The following CASTOR2 variants were observed in gnomAD, a reference collection of about 807,000 sequenced individuals.
CASTOR2 encodes the protein GATS protein like 2.
In CASTOR2, 8 loss-of-function variants were observed where a neutral mutation model predicts 31.2. The observed-to-expected ratio is 0.26, with a 90% CI of 0.15 to 0.46. The LOEUF (loss-of-function observed/expected upper bound fraction) is 0.46, where lower values mean the gene tolerates loss of function less well. Ranked by LOEUF, CASTOR2 falls within the 20% of genes least tolerant of loss-of-function variation. The probability of loss-of-function intolerance (pLI) is 0.99; values close to 1 mark genes in which losing one functional copy is unlikely to be tolerated. For missense variants in CASTOR2, 216 were observed against 382.1 expected (o/e 0.57, Z 3.62); for synonymous variants, 162 against 158.7 (o/e 1.02, Z -0.16).
At chr7:75,018,375 A>G (rs1161331418) in intron 4 of CASTOR2, among the ~76,000 whole-genome samples, 1 of 152,192 alleles carries the variant, frequency 6.6e-6, no homozygotes, top group African/African-American at 2.4e-5. Context: ...CCCCGTCTCT[A>G]CTAAAAATAC....
In CASTOR2 at chr7:75,020,101, T is replaced by C; in HGVS notation, c.698T>C (p.Leu233Pro). ...CACATCCGCTTCTTCTCCTTCTCCC[T>C]CATCGAGGGCTACATCTCCCTGGTG... The part of the protein sequence containing the change: ...CGHIRFFSFS[L>P]IEGYISLVMD... The change falls in exon 6 of 9, where the codon CTC becomes CCC. Residue 233 changes from leucine to proline, a missense_variant. Around this residue, in one of 5 missense-constraint regions of CASTOR2, gnomAD observed 44 missense variants for 57.5 expected, o/e 0.76. Coordinates refer to ENST00000616305, the MANE Select transcript of CASTOR2 (RefSeq NM_001145064.3). 1 of 1,551,500 alleles carries C rather than the reference T, an allele frequency of 6.4e-7. No homozygotes were observed.
chr7:75,019,366 C>T (rs1804940377), intron 5 of CASTOR2, among the ~76,000 whole-genome samples: 1 of 151,882 alleles, frequency 6.6e-6, no homozygotes, highest in South Asian at 2.1e-4. Context: ...CATGGACCCT[C>T]CCCAGAGCTA....
intron 1 of CASTOR2, among the ~76,000 whole-genome samples, chr7:74,983,700 G>A (rs1803998180): frequency 6.6e-6 from 1 of 151,114 alleles, no homozygotes; most frequent in Admixed American, 6.6e-5. Context: ...ACCATGGTGT[G>A]GGGAATGTCT....
intron 2 of CASTOR2, among the ~76,000 whole-genome samples, chr7:75,015,875 G>A (rs1225494102): frequency 6.6e-5 from 10 of 152,054 alleles, no homozygotes; most frequent in Non-Finnish European, 1.3e-4. Context: ...GAGACCAGCC[G>A]GGCCAACATG....
intron 1 of CASTOR2, among the ~76,000 whole-genome samples, chr7:74,990,429 A>G (rs587716807): frequency 1.3e-5 from 2 of 151,934 alleles, no homozygotes; most frequent in African/African-American, 4.8e-5. Context: ...ACAAAAAAAC[A>G]TGTTTTGGCT....
Position 75,031,007 on chromosome 7 carries a change from C to G in CASTOR2, c.*6308C>G, listed in dbSNP as rs1805286422. 6.6e-6 allele frequency among the ~76,000 whole-genome samples: 1 copy of G among 152,220 alleles called. No homozygotes were observed. Among genetic ancestry groups the G allele is most frequent in the African/African-American group, 2.4e-5 (1 of 41,466 alleles). ...AGCAGGCCAAGTTCAGGTCCCAAGA[C>G]AGGCCAAGGCCAGTGCGGTTTCCCT... is the stretch of plus-strand genomic sequence containing the variant. On this transcript the variant is annotated 3_prime_UTR_variant, in exon 9 of 9. Transcript: ENST00000616305.
chr7:75,003,521 C>T (rs1158719605), intron 1 of CASTOR2, among the ~76,000 whole-genome samples: 4 of 151,632 alleles, frequency 2.6e-5, no homozygotes, highest in Admixed American at 6.6e-5. Context: ...GAGGCCGAGG[C>T]GGGCAGATCA....
chr7:74,984,470 AT>A (rs1804018115), intron 1 of CASTOR2, among the ~76,000 whole-genome samples: 1 of 152,122 alleles, frequency 6.6e-6, no homozygotes, highest in South Asian at 2.1e-4. Context: ...CCTGCCAACC[AT>A]GGTTGCCTGG....
intron 1 of CASTOR2, among the ~76,000 whole-genome samples, chr7:74,986,254 G>T (rs1804062494): frequency 1.3e-5 from 1 of 77,022 alleles, no homozygotes; most frequent in African/African-American, 2.9e-5. Flanking sequence ...GAACATGCCT[G>T]TGGGGGGTGG....
At chr7:74,990,188 A>C (rs1804172522) in intron 1 of CASTOR2, among the ~76,000 whole-genome samples, 1 of 151,684 alleles carries the variant, frequency 6.6e-6, no homozygotes, top group African/African-American at 2.4e-5. Flanking sequence ...GGAGATGGAG[A>C]CCATCCTGGC....
chr7:74,988,983 C>T (rs1486723216), intron 1 of CASTOR2, among the ~76,000 whole-genome samples: 21 of 123,966 alleles, frequency 1.7e-4, no homozygotes, highest in African/African-American at 5.1e-4. Context: ...TTTTTTGAGA[C>T]GGAGTCTTGC....
At chr7:75,013,759 G>A (rs1444738954) in intron 2 of CASTOR2, among the ~76,000 whole-genome samples, 39 of 151,994 alleles carry the variant, frequency 2.6e-4, no homozygotes, top group Admixed American at 2.5e-3. Context: ...ACTGAGTCTC[G>A]CTCTGTCACC....
At chr7:74,983,693 A>G (rs1236145725) in intron 1 of CASTOR2, among the ~76,000 whole-genome samples, 12 of 151,228 alleles carry the variant, frequency 7.9e-5, no homozygotes, top group African/African-American at 2.2e-4. Context: ...CCATGGCACC[A>G]TGGTGTGGGG....
chr7:75,012,926 C>T (rs2883353), intron 2 of CASTOR2, among the ~76,000 whole-genome samples: 21,532 of 152,212 alleles, frequency 0.14, 4,111 homozygotes, highest in African/African-American at 0.44. Flanking sequence ...GGATTATAGG[C>T]GTGAACCACC....
chr7:75,018,586 C>A (rs1350635149), intron 4 of CASTOR2, among the ~76,000 whole-genome samples: 9 of 152,114 alleles, frequency 5.9e-5, no homozygotes, highest in Non-Finnish European at 1.3e-4. Flanking sequence ...GCCTTGCTGC[C>A]GTGTCTAGCA....
At chr7:74,999,916 CACTG>C (rs1244460592) in intron 1 of CASTOR2, among the ~76,000 whole-genome samples, 1 of 152,142 alleles carries the variant, frequency 6.6e-6, no homozygotes, top group African/African-American at 2.4e-5. Flanking sequence ...CCCGGCCACT[CACTG>C]CGTGTTTTAA....
intron 1 of CASTOR2, among the ~76,000 whole-genome samples, chr7:74,995,919 A>C (rs1255375241): frequency 6.6e-6 from 1 of 152,060 alleles, no homozygotes. Flanking sequence ...AGGCTGCTGC[A>C]GTGAGCTATG....
At chr7:75,016,782 T>A (rs1225613339) in intron 2 of CASTOR2, among the ~76,000 whole-genome samples, 3 of 152,214 alleles carry the variant, frequency 2.0e-5, no homozygotes, top group African/African-American at 7.2e-5. Context: ...CCCACATGGC[T>A]CCTACTCTGC....
intron 1 of CASTOR2, among the ~76,000 whole-genome samples, chr7:74,989,544 C>CTGT (rs1185146937): frequency 6.6e-6 from 1 of 151,844 alleles, no homozygotes; most frequent in Non-Finnish European, 1.5e-5. Context: ...AACTCAGCCA[C>CTGT]CTGAGTAGCT....
Sources: gnomAD v4.1 joint callset for allele counts (sites outside exome capture counted in the v4.1 genomes callset) on GRCh38, gnomAD v4.1.1 for gene constraint, gnomAD v4.1.1 regional missense constraint, MANE v1.5 for transcripts, NCBI Gene and HGNC (gene_info 2026-07-23, HGNC 2026-07-21) for gene names.